MREG: variants seen among roughly 807,000 people sequenced by gnomAD.
The protein encoded by MREG is dilute suppressor protein homolog.
Under a neutral mutation model 28.5 loss-of-function variants are expected in MREG, and 31 were observed. That is an observed-to-expected ratio of 1.09 (90% confidence interval 0.82 to 1.47). The LOEUF (loss-of-function observed/expected upper bound fraction) is 1.47. MREG is among the 40% of genes most tolerant of loss of function. MREG has a pLI of 0.00. For synonymous variants in MREG, 106 were observed against 95.2 expected (o/e 1.11, Z -0.66); for missense variants, 256 against 257.4 (o/e 0.99, Z 0.04).
At chr2:215,971,149 C>T (rs1025570315) in intron 2 of MREG, among the ~76,000 whole-genome samples, 5 of 151,846 alleles carry the variant, frequency 3.3e-5, no homozygotes, top group African/African-American at 1.2e-4. Context: ...GGGGATGGGG[C>T]GCAAGGAGAG....
In MREG at chr2:215,944,801, C is replaced by CAA. The variant is rs1692278250; in HGVS notation, c.*60_*61dup. ...TCACTCTCTTCTACATGTAATTGTC[C>CAA]AACTTTGGTTGACTGCTGAGTCCTC... is the stretch of plus-strand genomic sequence containing the variant. On this transcript the variant is annotated 3_prime_UTR_variant, in exon 5 of 5. Coordinates refer to ENST00000263268, the MANE Select transcript of MREG (RefSeq NM_018000.3). 5 of 1,490,338 alleles carry CAA rather than the reference C, an allele frequency of 3.4e-6. No homozygotes were observed. The East Asian group carries it at 1.2e-4, about 34-fold the overall frequency. 92.3% of individuals were successfully genotyped at this position (1,490,338 alleles called of 1,614,324 possible).
intron 1 of MREG, among the ~76,000 whole-genome samples, chr2:216,007,793 A>T (rs898947019): frequency 1.3e-5 from 2 of 151,532 alleles, no homozygotes; most frequent in Non-Finnish European, 2.9e-5. Flanking sequence ...TGTTTAGAAT[A>T]TCTCCCAAAG....
At position 215,963,435 on chromosome 2, in the gene MREG, C is replaced by CAA. The variant is rs767034652; in HGVS notation, c.256-16324_256-16323dup. On this transcript the variant is annotated intron_variant, in intron 2 of 4. Coordinates refer to ENST00000263268, the MANE Select transcript of MREG (RefSeq NM_018000.3). ...TGAGTGATAGAGTGAGAACCCATCT[C>CAA]AAAAAAAAAAAAAAAAAAAACAAAA... Among the ~76,000 whole-genome samples the CAA allele has an allele frequency of 5.1e-3, 234 of 46,240 alleles. 5 individuals carry two copies. The highest frequency in any genetic ancestry group is 0.013 in the South Asian group (15 of 1,190). The allele number at this position is 46,240 out of a possible 152,430, so 30.3% of individuals were successfully genotyped here. A position where few individuals can be genotyped will look rare whatever the true frequency, so the allele number is the denominator to read the frequency against.
intron 2 of MREG, among the ~76,000 whole-genome samples, chr2:215,983,043 C>T (rs1214384538): frequency 6.6e-6 from 1 of 152,154 alleles, no homozygotes; most frequent in African/African-American, 2.4e-5. Flanking sequence ...TAGTCACTAG[C>T]AAAGTAAAAG....
At chr2:216,016,829 T>C (rs553578881), upstream of MREG, among the ~76,000 whole-genome samples, 1 of 152,350 alleles carries the variant, frequency 6.6e-6, no homozygotes, top group Admixed American at 6.5e-5. Flanking sequence ...GCCACAGAAC[T>C]ACATCTATTT....
intron 2 of MREG, among the ~76,000 whole-genome samples, chr2:215,987,196 C>T (rs909748801): frequency 2.6e-5 from 4 of 151,382 alleles, no homozygotes; most frequent in African/African-American, 9.7e-5. Flanking sequence ...ACATAATATG[C>T]GATCCAATCT....
chr2:215,994,555 AT>A (rs1156354848), intron 2 of MREG, among the ~76,000 whole-genome samples: 120 of 109,816 alleles, frequency 1.1e-3, no homozygotes, highest in Non-Finnish European at 1.7e-3. Flanking sequence ...TTAAAGTATA[AT>A]TTTAAAAAAA....
At chr2:215,982,695 C>G (rs1423532655) in intron 2 of MREG, among the ~76,000 whole-genome samples, 3 of 152,146 alleles carry the variant, frequency 2.0e-5, no homozygotes, top group African/African-American at 7.2e-5. Flanking sequence ...GACGCTCTTT[C>G]TAAACTCACT....
chr2:215,946,928 T>C (rs1692338851), intron 3 of MREG, 95 bp downstream of exon 3: 3 of 756,208 alleles, frequency 4.0e-6, no homozygotes, highest in South Asian at 1.6e-5. Context: ...TAGGCAATTA[T>C]TGACATTCCT....
chr2:215,994,649 A>G (rs1261654247), intron 2 of MREG, among the ~76,000 whole-genome samples: 1 of 149,646 alleles, frequency 6.7e-6, no homozygotes, highest in Non-Finnish European at 1.5e-5. Flanking sequence ...AGGAGGAGGA[A>G]GCTTCTGGAG....
At chr2:216,021,294 T>G (rs1174674097) in intron 1 of MREG, among the ~76,000 whole-genome samples, 2 of 152,092 alleles carry the variant, frequency 1.3e-5, no homozygotes, top group South Asian at 4.2e-4. Context: ...ACCACAGGCA[T>G]GCACAACCAC....
At chr2:216,029,728 G>A (rs768006175) in intron 1 of MREG, among the ~76,000 whole-genome samples, 3 of 152,210 alleles carry the variant, frequency 2.0e-5, no homozygotes, top group Non-Finnish European at 2.9e-5. Flanking sequence ...AAAATGCCTA[G>A]GGCCAGAATA....
rs78766475 is a variant in MREG, at chr2:215,957,088, C to T, written c.256-9975G>A. ...ATCCACACTGCCTGTTAGAACAGGA[C>T]GGGAGAGGGTGGGCAAGGGAGGAAG... On this transcript the variant is annotated intron_variant, in intron 2 of 4. Transcript: ENST00000263268. 8.1e-3 allele frequency among the ~76,000 whole-genome samples: 1,227 copies of T among 151,316 alleles called. 9 individuals are homozygous for T. The highest frequency in any genetic ancestry group is 0.012 in the Non-Finnish European group (820 of 67,858).
chr2:215,989,012 G>A (rs1574631479), intron 2 of MREG, among the ~76,000 whole-genome samples: 1 of 152,214 alleles, frequency 6.6e-6, no homozygotes, highest in East Asian at 1.9e-4. Context: ...GAAGAGAGCA[G>A]TGGATCTCCC....
At position 216,013,371 on chromosome 2, in the gene MREG, T is replaced by G; in HGVS notation, c.-44A>C. 7.1e-7 allele frequency: 1 copy of G among 1,415,476 alleles called. No individual in the cohort carries two copies. 87.7% of individuals were successfully genotyped at this position (1,415,476 alleles called of 1,614,324 possible). On this transcript the variant is annotated 5_prime_UTR_variant, in exon 1 of 5. Coordinates refer to ENST00000263268, the MANE Select transcript of MREG (RefSeq NM_018000.3). ...CCGGCGCCGGAAGCCTGGGGCCGAG[T>G]CGCCGCGGCGAGCGATCGAGGCTGG...
rs748852253 is a variant in MREG at position 216,013,191 on chromosome 2, G to C, written c.95+42C>G. Reference sequence around the variant, plus strand: ...GTCCACACTCTCGGCGCCCGGCTACGGCCCAGGTAAGCCCAGATCCCGGCC... The same window carrying C: ...GTCCACACTCTCGGCGCCCGGCTACCGCCCAGGTAAGCCCAGATCCCGGCC... On this transcript the variant is annotated intron_variant, in intron 1 of 4. Transcript: ENST00000263268. 73 of 1,526,596 alleles carry C rather than the reference G, an allele frequency of 4.8e-5. No individual in the cohort carries two copies. In the East Asian group the frequency reaches 5.2e-4, roughly 11 times the overall value. 94.6% of individuals were successfully genotyped at this position (1,526,596 alleles called of 1,614,324 possible).
chr2:215,984,914 TA>T lies in MREG; in HGVS notation c.255+11391del, dbSNP rs1485130181. Among the ~76,000 whole-genome samples, 34 of 152,352 alleles carry T rather than the reference TA, an allele frequency of 2.2e-4. No homozygotes were observed. In the East Asian group the frequency reaches 6.2e-3, roughly 28 times the overall value. On this transcript the variant is annotated intron_variant, in intron 2 of 4. Transcript: ENST00000263268. ...GACAGGCTTATGAGCAGACTTTGCT[TA>T]TACATTTTGAAATCTATATTGAATC... is the stretch of plus-strand genomic sequence containing the variant.
chr2:215,993,096 C>T (rs922339701), intron 2 of MREG, among the ~76,000 whole-genome samples: 27 of 152,086 alleles, frequency 1.8e-4, no homozygotes, highest in African/African-American at 4.6e-4. Flanking sequence ...AATAAGAGCC[C>T]GTATAGCCAA....
At chr2:216,006,684 C>A (rs893540790) in intron 1 of MREG, among the ~76,000 whole-genome samples, 2 of 152,200 alleles carry the variant, frequency 1.3e-5, no homozygotes, top group Admixed American at 1.3e-4. Context: ...TAAACGTACT[C>A]GTCAACTTTC....
Sources: allele counts gnomAD v4.1 joint callset (sites outside exome capture counted in the v4.1 genomes callset), GRCh38; gene constraint gnomAD v4.1.1; transcripts MANE v1.5; gene names NCBI Gene and HGNC (gene_info 2026-07-23, HGNC 2026-07-21).